Variants in PSPC1 observed in about 807,000 individuals in gnomAD.
PSPC1 encodes the protein paraspeckle protein 1.
In PSPC1, 14 loss-of-function variants were observed where a neutral mutation model predicts 51.6. The observed-to-expected ratio is 0.27, with a 90% CI of 0.18 to 0.42. PSPC1 has a LOEUF of 0.42. PSPC1 is among the 10% of genes least tolerant of loss of function. PSPC1 has a pLI of 1.00. For synonymous variants in PSPC1, 193 were observed against 231.9 expected (o/e 0.83, Z 1.53); for missense variants, 406 against 701.1 (o/e 0.58, Z 4.75).
downstream of PSPC1, chr13:19,672,672 AC>A (rs1374576493): frequency 6.4e-6 from 1 of 156,904 alleles, no homozygotes; most frequent in African/African-American, 2.4e-5. Context: ...TTCCCCAAGC[AC>A]AAAAGGTGGA....
downstream of PSPC1, among the ~76,000 whole-genome samples, chr13:19,697,747 G>C (rs1002602995): frequency 3.9e-5 from 6 of 152,058 alleles, no homozygotes. Context: ...GTAGAATTTA[G>C]TTTACTTTTT....
rs1035154602 is a variant in PSPC1 at position 19,676,364 on chromosome 13, G to C, written c.*76+1360C>G. Among the ~76,000 whole-genome samples the C allele has an allele frequency of 6.6e-5, 10 of 152,290 alleles. No homozygotes were observed. In the East Asian group the frequency reaches 1.9e-3, roughly 29 times the overall value. On this transcript the variant is annotated intron_variant and NMD_transcript_variant, in intron 7 of 7. Coordinates refer to the PSPC1 transcript ENST00000471658. ...AATGTGCATTCTGAAGCTCCCAGAT[G>C]GCGATGCTGCTGGTCTAGGCCTGAG...
chr13:19,753,035 C>T (rs556506508), intron 3 of PSPC1, among the ~76,000 whole-genome samples: 7 of 151,810 alleles, frequency 4.6e-5, no homozygotes, highest in African/African-American at 1.5e-4. Flanking sequence ...GTAATCCCAG[C>T]CCTTTGGGAG....
chr13:19,756,508 CT>C (rs796488867), intron 3 of PSPC1, among the ~76,000 whole-genome samples: 115 of 146,398 alleles, frequency 7.9e-4, no homozygotes, highest in East Asian at 1.8e-3. Context: ...TAAAGAAAAC[CT>C]TTTTTTTTTT....
chr13:19,685,264 T>G lies in PSPC1; in HGVS notation c.1159-7441A>C, dbSNP rs17300085. Among the ~76,000 whole-genome samples, 826 of 152,302 alleles carry G rather than the reference T, an allele frequency of 5.4e-3. 5 individuals carry two copies. Among genetic ancestry groups the G allele is most frequent in the Middle Eastern group, 0.01 (3 of 292 alleles). On this transcript the variant is annotated intron_variant and NMD_transcript_variant, in intron 6 of 7. Transcript: ENST00000471658. ...AAGGCATTAACAGCATATCCGTAAG[T>G]GCCATGTGAACCTCAGAATTCCCGG...
chr13:19,752,102 T>C (rs1166489202), intron 3 of PSPC1, among the ~76,000 whole-genome samples: 1 of 152,174 alleles, frequency 6.6e-6, no homozygotes, highest in African/African-American at 2.4e-5. Flanking sequence ...AACACATGAA[T>C]ATGAATTAAC....
chr13:19,740,109 C>T (rs891102689), intron 5 of PSPC1, among the ~76,000 whole-genome samples: 2 of 151,888 alleles, frequency 1.3e-5, no homozygotes, highest in African/African-American at 4.8e-5. Flanking sequence ...TTTGGGAGGC[C>T]GAGGCAGGCG....
intron 4 of PSPC1, among the ~76,000 whole-genome samples, chr13:19,749,304 C>T (rs985242337): frequency 2.0e-5 from 3 of 152,032 alleles, no homozygotes; most frequent in Admixed American, 1.3e-4. Context: ...GCTAAGATCA[C>T]ACCAATGCAC....
At position 19,760,966 on chromosome 13, in the gene PSPC1, C is replaced by T. The variant is rs542210310; in HGVS notation, c.675-1548G>A. Among the ~76,000 whole-genome samples, 13 of 151,386 alleles carry T rather than the reference C, an allele frequency of 8.6e-5. 1 individual carries two copies. Among genetic ancestry groups the T allele is most frequent in the African/African-American group, 2.2e-4 (9 of 41,270 alleles). ...TCACGCCACTGCACTCCAGCCCAGG[C>T]GACAGAGTGAAACTCCGTCTCAAAT... On this transcript the variant is annotated intron_variant, in intron 2 of 8. Transcript: ENST00000338910.
intron 1 of PSPC1, 41 bp from the exon 2 acceptor site, chr13:19,772,584 C>A: frequency 6.5e-7 from 1 of 1,540,180 alleles, no homozygotes; most frequent in Non-Finnish European, 8.7e-7. Context: ...ATGACAGTAA[C>A]AGAAAAAATT....
chr13:19,736,973 T>C (rs1341545168), intron 5 of PSPC1: 1 of 152,166 alleles, frequency 6.6e-6, no homozygotes, highest in African/African-American at 2.4e-5. Flanking sequence ...TTATTTGTTT[T>C]AAGAGACAGG....
intron 1 of PSPC1, among the ~76,000 whole-genome samples, chr13:19,777,709 A>AGGC (rs1889315445): frequency 1.3e-5 from 2 of 152,230 alleles, no homozygotes; most frequent in South Asian, 4.1e-4. Context: ...GCACTTTGGG[A>AGGC]GGCCAAGGCA....
intron 2 of PSPC1, among the ~76,000 whole-genome samples, chr13:19,760,338 G>T (rs1402552652): frequency 1.3e-5 from 2 of 151,904 alleles, no homozygotes; most frequent in Admixed American, 6.6e-5. Flanking sequence ...GACCAACATG[G>T]CCAACGTGGT....
At chr13:19,775,485 G>A (rs1889023850) in intron 1 of PSPC1, among the ~76,000 whole-genome samples, 1 of 152,162 alleles carries the variant, frequency 6.6e-6, no homozygotes, top group African/African-American at 2.4e-5. Context: ...GATTGCATGG[G>A]TAACATGGAA....
intron 2 of PSPC1, among the ~76,000 whole-genome samples, chr13:19,771,177 G>A (rs998984685): frequency 4.6e-5 from 7 of 151,916 alleles, no homozygotes; most frequent in African/African-American, 1.2e-4. Flanking sequence ...TCGCTCTGTC[G>A]CCCAGTCTGG....
chr13:19,726,482 C>G (rs1883369897), intron 6 of PSPC1, among the ~76,000 whole-genome samples: 3 of 152,012 alleles, frequency 2.0e-5, no homozygotes, highest in African/African-American at 7.2e-5. Context: ...CTGGATTTAG[C>G]AAAAAAATGT....
downstream of PSPC1, chr13:19,671,393 C>T (rs1439454592): frequency 1.0e-6 from 1 of 985,966 alleles, no homozygotes; most frequent in African/African-American, 1.6e-5. Flanking sequence ...TGTACCTGTC[C>T]TAGAGACAGG....
chr13:19,765,132 C>G (rs909484558), intron 2 of PSPC1, among the ~76,000 whole-genome samples: 7 of 151,548 alleles, frequency 4.6e-5, no homozygotes, highest in Non-Finnish European at 1.0e-4. Flanking sequence ...GATGCAGCCA[C>G]GACAAACATG....
At chr13:19,763,898 G>T (rs966010817) in intron 2 of PSPC1, among the ~76,000 whole-genome samples, 1 of 152,068 alleles carries the variant, frequency 6.6e-6, no homozygotes, top group Non-Finnish European at 1.5e-5. Context: ...AACTACTCAG[G>T]AGACTGAGGA....
Sources: gnomAD v4.1 joint callset for allele counts (sites outside exome capture counted in the v4.1 genomes callset) on GRCh38, gnomAD v4.1.1 for gene constraint, MANE v1.5 for transcripts, NCBI Gene and HGNC (gene_info 2026-07-23, HGNC 2026-07-21) for gene names.